Variants in N4BP2 observed in about 807,000 individuals in gnomAD.
The protein encoded by N4BP2 is NEDD4-binding protein 2.
A neutral mutation model predicts 152.8 loss-of-function variants in N4BP2; 91 were observed. That is an observed-to-expected ratio of 0.60 (90% confidence interval 0.50 to 0.71). The LOEUF (loss-of-function observed/expected upper bound fraction) is 0.71, where lower values mean the gene tolerates loss of function less well. N4BP2 is among the 30% of genes least tolerant of loss of function. The pLI, the probability that N4BP2 is intolerant of heterozygous loss-of-function variation, is 0.00. For missense variants in N4BP2, 1,923 were observed against 2,059.1 expected (o/e 0.93, Z 1.28); for synonymous variants, 646 against 705.3 (o/e 0.92, Z 1.33).
the N4BP2 span, chr4:40,167,087 G>C: frequency 6.6e-6 from 1 of 152,162 alleles, no homozygotes; most frequent in East Asian, 1.9e-4. Context: ...CTGCCTTCTA[G>C]TACCAAATGT....
Position 40,157,094 on chromosome 4 carries a change from G to A in N4BP2, c.*2857G>A, listed in dbSNP as rs1332540934. Reference sequence around the variant, plus strand: ...TACCATTATCTCCCAGATGGAAAAAGAGGACTAATGTGGAAACCCCAGAGG... The same window carrying A: ...TACCATTATCTCCCAGATGGAAAAAAAGGACTAATGTGGAAACCCCAGAGG... On this transcript the variant is annotated 3_prime_UTR_variant, in exon 18 of 18. Coordinates refer to ENST00000261435, the MANE Select transcript of N4BP2 (RefSeq NM_018177.6). 6.6e-6 allele frequency: 1 copy of A among 152,090 alleles called. No individual in the cohort carries two copies. The highest frequency in any genetic ancestry group is 1.5e-5 in the Non-Finnish European group (1 of 67,980). The allele number at this position is 152,090 out of a possible 1,614,324, so 9.4% of individuals were successfully genotyped here.
chr4:40,119,982 C>G lies in N4BP2; in HGVS notation c.1871C>G (p.Ser624Cys). Residue 624 changes from serine to cysteine, a missense_variant, in exon 9 of 18, where the codon TCT becomes TGT. By Grantham distance (112) the Ser-to-Cys change is moderately radical (BLOSUM62 -1). Coordinates refer to ENST00000261435, the MANE Select transcript of N4BP2 (RefSeq NM_018177.6). ...TCTGAAAAAGAAGAAAATATTTTAT[C>G]TTTATCTTTGAAGCATCTAGAGTTC... The part of the protein sequence containing the change: ...IISEKEENIL[S>C]LSLKHLEFTE... 1 of 1,525,686 alleles carries G rather than the reference C, an allele frequency of 6.6e-7. No individual in the cohort carries two copies. The highest frequency in any genetic ancestry group is 1.2e-5 in the South Asian group (1 of 83,634). The allele number at this position is 1,525,686 out of a possible 1,614,324, so 94.5% of individuals were successfully genotyped here.
At chr4:40,164,393 A>G in the N4BP2 span, among the ~76,000 whole-genome samples, 16 of 152,266 alleles carry the variant, frequency 1.1e-4, no homozygotes, top group African/African-American at 3.9e-4. Context: ...CGGAGTGGAG[A>G]AGGTCACAGA....
intron 14 of N4BP2, among the ~76,000 whole-genome samples, chr4:40,138,464 C>T (rs1236021073): frequency 6.6e-6 from 1 of 152,136 alleles, no homozygotes; most frequent in Non-Finnish European, 1.5e-5. Flanking sequence ...TGCTATGTTG[C>T]CTGTGCTTCA....
At chr4:40,071,414 C>T (rs1303960061) in intron 1 of N4BP2, among the ~76,000 whole-genome samples, 2 of 152,136 alleles carry the variant, frequency 1.3e-5, no homozygotes, top group Admixed American at 6.5e-5. Context: ...AGTTAAGAGG[C>T]ATATAATGTC....
At chr4:40,178,485 A>G in the N4BP2 span, among the ~76,000 whole-genome samples, 1 of 152,204 alleles carries the variant, frequency 6.6e-6, no homozygotes, top group Non-Finnish European at 1.5e-5. Flanking sequence ...ACTCACAGAT[A>G]TGAAAGAGAT....
the N4BP2 span, among the ~76,000 whole-genome samples, chr4:40,183,021 T>C: frequency 2.0e-5 from 3 of 152,162 alleles, no homozygotes; most frequent in Non-Finnish European, 2.9e-5. Context: ...GTTCCAACAT[T>C]TAGAAAATAG....
intron 2 of N4BP2, among the ~76,000 whole-genome samples, chr4:40,075,142 A>G (rs1712602135): frequency 6.6e-6 from 1 of 152,174 alleles, no homozygotes. Flanking sequence ...TGGCGTATAT[A>G]TCATGATCCA....
chr4:40,121,495 T>G lies in N4BP2; in HGVS notation c.3384T>G (p.Ser1128=). The G allele has an allele frequency of 6.2e-7, 1 of 1,614,196 alleles. No homozygotes were observed. The highest frequency in any genetic ancestry group is 8.5e-7 in the Non-Finnish European group (1 of 1,180,020). Residue 1128 remains serine (S), a synonymous_variant, in exon 9 of 18, where the codon TCT becomes TCG. Transcript: ENST00000261435. Reference sequence around the variant, plus strand: ...GGGCCACAAGCCTTTTGTTGGATTCTGAAACTAAGTTATGTGAGGATACAG... The same window carrying G: ...GGGCCACAAGCCTTTTGTTGGATTCGGAAACTAAGTTATGTGAGGATACAG... ...IIWATSLLLD[S]ETKLCEDTEF... is the part of the protein sequence containing the mutation.
chr4:40,060,753 C>G (rs1553773), intron 1 of N4BP2, among the ~76,000 whole-genome samples: 3,136 of 151,876 alleles, frequency 0.021, 112 homozygotes, highest in African/African-American at 0.071. Flanking sequence ...TAGGCACATA[C>G]CGCTGTGCCT....
rs1721525392 is a variant in N4BP2 at position 40,155,418 on chromosome 4, AG to A, written c.*1182del. ...TCTCCAAAAAAAAAAAAGAAAAAAAAGAGAAAATATTTTGGTTATAATCATA... is the reference window on the plus strand; with the variant it reads ...TCTCCAAAAAAAAAAAAGAAAAAAAAAGAAAATATTTTGGTTATAATCATA... On this transcript the variant is annotated 3_prime_UTR_variant, in exon 18 of 18. Coordinates refer to ENST00000261435, the MANE Select transcript of N4BP2 (RefSeq NM_018177.6). The A allele has an allele frequency of 6.6e-6, 1 of 152,022 alleles. No individual in the cohort carries two copies. The highest frequency in any genetic ancestry group is 6.6e-5 in the Admixed American group (1 of 15,266). The allele number at this position is 152,022 out of a possible 1,614,324, so 9.4% of individuals were successfully genotyped here.
At chr4:40,092,907 G>A (rs1218667377) in intron 2 of N4BP2, among the ~76,000 whole-genome samples, 1 of 150,546 alleles carries the variant, frequency 6.6e-6, no homozygotes, top group Non-Finnish European at 1.5e-5. Flanking sequence ...GCCTCCCAAA[G>A]TGCTGGGATT....
chr4:40,170,322 G>A, the N4BP2 span, among the ~76,000 whole-genome samples: 1 of 152,024 alleles, frequency 6.6e-6, no homozygotes, highest in Non-Finnish European at 1.5e-5. Flanking sequence ...TGTCTAATAA[G>A]AGCACATGCA....
Position 40,123,176 on chromosome 4 carries a change from G to T in N4BP2, c.4248G>T (p.Ala1416=). The T allele has an allele frequency of 6.2e-7, 1 of 1,612,890 alleles. No individual in the cohort carries two copies. The highest frequency in any genetic ancestry group is 1.1e-5 in the South Asian group (1 of 90,998). Residue 1416 remains alanine, a synonymous_variant, in exon 10 of 18, where the codon GCG becomes GCT. Transcript: ENST00000261435. The stretch of plus-strand genomic sequence containing the variant: ...TGGTTCATATAGATCTGAATCTGGC[G>T]AAAGTGATTCATGAGAAATGGAAAG... The part of the protein sequence containing the change: ...DCVVHIDLNL[A]KVIHEKWKES...
intron 12 of N4BP2, among the ~76,000 whole-genome samples, chr4:40,130,939 C>T (rs1279104248): frequency 6.6e-6 from 1 of 151,824 alleles, no homozygotes; most frequent in Admixed American, 6.6e-5. Context: ...TAGGAAAGTT[C>T]TTTTTGTCTG....
rs1276744871 is a variant in N4BP2, at chr4:40,106,992, T to C, written c.1466T>C (p.Leu489Ser). The C allele has an allele frequency of 6.2e-7, 1 of 1,613,718 alleles. No homozygotes were observed. Among genetic ancestry groups the C allele is most frequent in the Admixed American group, 1.7e-5 (1 of 59,998 alleles). Reference protein sequence around the residue: ...NGQYQFDVKYLGEAHEWNQNR... With the variant: ...NGQYQFDVKYSGEAHEWNQNR... ...CAGTACCAGTTTGATGTAAAGTACTTAGGAGAAGCACATGAATGGAACCAG... is the reference window on the plus strand; with the variant it reads ...CAGTACCAGTTTGATGTAAAGTACTCAGGAGAAGCACATGAATGGAACCAG... The change falls in exon 5 of 18, where the codon TTA becomes TCA. Residue 489 changes from leucine to serine, a missense_variant. Transcript: ENST00000261435.
chr4:40,082,495 TCAA>T (rs1319107641), intron 2 of N4BP2, among the ~76,000 whole-genome samples: 1 of 152,014 alleles, frequency 6.6e-6, no homozygotes, highest in Middle Eastern at 3.2e-3. Context: ...GTAAAGATGG[TCAA>T]CAACATTTGT....
intron 1 of N4BP2, among the ~76,000 whole-genome samples, chr4:40,072,845 T>C (rs992996733): frequency 6.6e-6 from 1 of 151,178 alleles, no homozygotes; most frequent in African/African-American, 2.4e-5. Flanking sequence ...TCAGCCTCCC[T>C]CCTGAGTAGC....
chr4:40,070,708 C>T (rs758725333), intron 1 of N4BP2, among the ~76,000 whole-genome samples: 1 of 152,010 alleles, frequency 6.6e-6, no homozygotes, highest in Non-Finnish European at 1.5e-5. Context: ...GCCTTGGCCT[C>T]GCAAAGTGCT....
Sources: gnomAD v4.1 joint callset for allele counts (sites outside exome capture counted in the v4.1 genomes callset) on GRCh38, gnomAD v4.1.1 for gene constraint, MANE v1.5 for transcripts, NCBI Gene and HGNC (gene_info 2026-07-23, HGNC 2026-07-21) for gene names.